The following EXOC6B variants were observed in gnomAD, a reference collection of about 807,000 sequenced individuals.
The protein encoded by EXOC6B is SEC15 homolog B.
Under a neutral mutation model 113.5 loss-of-function variants are expected in EXOC6B, and 54 were observed. The ratio of observed to expected loss-of-function variants is 0.48; its 90% CI spans 0.38 to 0.60. The LOEUF (loss-of-function observed/expected upper bound fraction) is 0.60. Ranked by LOEUF, EXOC6B falls within the 20% of genes least tolerant of loss-of-function variation. EXOC6B has a pLI of 0.00. For synonymous variants in EXOC6B, 357 were observed against 339.0 expected (o/e 1.05, Z -0.58); for missense variants, 797 against 977.5 (o/e 0.82, Z 2.46).
At chr2:72,582,888 A>G (rs1216430757) in intron 6 of EXOC6B, among the ~76,000 whole-genome samples, 1 of 152,218 alleles carries the variant, frequency 6.6e-6, no homozygotes, top group Non-Finnish European at 1.5e-5. Context: ...TAACAAATAA[A>G]GAATTCAAAA....
intron 8 of EXOC6B, among the ~76,000 whole-genome samples, chr2:72,537,275 A>C (rs1322118326): frequency 6.6e-6 from 1 of 152,124 alleles, no homozygotes; most frequent in African/African-American, 2.4e-5. Flanking sequence ...GATTTTTCAC[A>C]GATGCCCTAA....
At chr2:72,818,541 C>A (rs1341620251) in intron 1 of EXOC6B, among the ~76,000 whole-genome samples, 1 of 152,004 alleles carries the variant, frequency 6.6e-6, no homozygotes, top group African/African-American at 2.4e-5. Context: ...GTGATCTGCC[C>A]TCCTTGGCCT....
chr2:72,423,196 C>A (rs995887176), intron 18 of EXOC6B, among the ~76,000 whole-genome samples: 2 of 152,008 alleles, frequency 1.3e-5, no homozygotes, highest in African/African-American at 4.8e-5. Context: ...GTAACACTCA[C>A]CGCGAAAGTC....
intron 20 of EXOC6B, among the ~76,000 whole-genome samples, chr2:72,321,632 T>C (rs187923604): frequency 1.1e-4 from 16 of 152,004 alleles, no homozygotes; most frequent in Non-Finnish European, 7.4e-5. Context: ...ATTAAAAGTA[T>C]GTTTCCGTTT....
At chr2:72,497,163 A>G (rs1700081962) in intron 13 of EXOC6B, among the ~76,000 whole-genome samples, 1 of 151,708 alleles carries the variant, frequency 6.6e-6, no homozygotes, top group African/African-American at 2.4e-5. Flanking sequence ...TTGTAGAGAT[A>G]TAATCTTGCT....
At chr2:72,509,045 T>C (rs1011791396) in intron 11 of EXOC6B, among the ~76,000 whole-genome samples, 2 of 152,108 alleles carry the variant, frequency 1.3e-5, no homozygotes, top group African/African-American at 4.8e-5. Context: ...TATTTGGAGA[T>C]GGGGCCTTTG....
At chr2:72,683,381 A>T (rs1245332229) in intron 6 of EXOC6B, among the ~76,000 whole-genome samples, 3 of 152,194 alleles carry the variant, frequency 2.0e-5, no homozygotes, top group Non-Finnish European at 4.4e-5. Flanking sequence ...TAAAATTTTT[A>T]AAATGATTTG....
intron 18 of EXOC6B, among the ~76,000 whole-genome samples, chr2:72,456,322 T>C (rs1697230197): frequency 6.6e-6 from 1 of 152,176 alleles, no homozygotes; most frequent in Admixed American, 6.6e-5. Context: ...CTCTTTTCTA[T>C]AATTAAATGG....
chr2:72,650,300 T>A (rs1179522440), intron 6 of EXOC6B, among the ~76,000 whole-genome samples: 1 of 152,132 alleles, frequency 6.6e-6, no homozygotes, highest in African/African-American at 2.4e-5. Context: ...GGACTGCTGT[T>A]TTAGAAAATA....
chr2:72,335,556 A>G lies in EXOC6B; in HGVS notation c.2123-536T>C, dbSNP rs1422902940. 1.0e-3 allele frequency among the ~76,000 whole-genome samples: 77 copies of G among 73,692 alleles called. 1 individual carries two copies. Among genetic ancestry groups the G allele is most frequent in the East Asian group, 6.3e-3 (26 of 4,158 alleles). The allele number at this position is 73,692 out of a possible 152,430, so 48.3% of individuals were successfully genotyped here. A position where few individuals can be genotyped will look rare whatever the true frequency, so the allele number is the denominator to read the frequency against. ...CTCATGACTGCATTATTGCACACAC[A>G]CACACACACACACACACACACACAC... is the stretch of plus-strand genomic sequence containing the variant. On this transcript the variant is annotated intron_variant, in intron 19 of 21. Coordinates refer to ENST00000272427, the MANE Select transcript of EXOC6B (RefSeq NM_015189.3).
rs13014663 is a variant in EXOC6B, at chr2:72,772,733, C to T, written c.114-31264G>A. 4.3e-3 allele frequency among the ~76,000 whole-genome samples: 656 copies of T among 152,272 alleles called. 3 individuals carry two copies. The highest frequency in any genetic ancestry group is 0.024 in the Middle Eastern group (7 of 294). Reference sequence around the variant, plus strand: ...TCAGAAGAAAGCCAACCTATGCACTCGACCAATCAGCCTGTTCAGAGATTC... The same window carrying T: ...TCAGAAGAAAGCCAACCTATGCACTTGACCAATCAGCCTGTTCAGAGATTC... On this transcript the variant is annotated intron_variant, in intron 1 of 21. Transcript: ENST00000272427.
chr2:72,753,869 T>G (rs1165822557), intron 1 of EXOC6B, among the ~76,000 whole-genome samples: 5 of 152,186 alleles, frequency 3.3e-5, no homozygotes, highest in African/African-American at 1.2e-4. Flanking sequence ...CTCAACTCTT[T>G]CCTAAAACGT....
chr2:72,353,957 T>C (rs1430244155), intron 19 of EXOC6B, among the ~76,000 whole-genome samples: 1 of 152,186 alleles, frequency 6.6e-6, no homozygotes, highest in Non-Finnish European at 1.5e-5. Context: ...ACAGTTAAGA[T>C]TGAAAATGCA....
At chr2:72,397,721 C>T (rs1692838375) in intron 18 of EXOC6B, among the ~76,000 whole-genome samples, 1 of 151,224 alleles carries the variant, frequency 6.6e-6, no homozygotes, top group Non-Finnish European at 1.5e-5. Context: ...ACTACTGACA[C>T]CTAATAAGTA....
intron 6 of EXOC6B, among the ~76,000 whole-genome samples, chr2:72,614,580 A>G (rs1451635379): frequency 6.6e-6 from 1 of 152,282 alleles, no homozygotes; most frequent in Non-Finnish European, 1.5e-5. Flanking sequence ...GGAACTTCCA[A>G]ATAATAACAA....
intron 20 of EXOC6B, among the ~76,000 whole-genome samples, chr2:72,257,457 T>C (rs922910454): frequency 6.6e-6 from 1 of 152,244 alleles, no homozygotes; most frequent in Admixed American, 6.5e-5. Context: ...TTAAAATTAA[T>C]TGATCCTGAG....
chr2:72,233,474 G>A (rs1382225896), intron 20 of EXOC6B, among the ~76,000 whole-genome samples: 2 of 152,112 alleles, frequency 1.3e-5, no homozygotes, highest in African/African-American at 4.8e-5. Context: ...CAGCCACCTG[G>A]AGGATTCACA....
In EXOC6B at chr2:72,666,356, C is replaced by T. The variant is rs1468139963; in HGVS notation, c.669+51747G>A. Among the ~76,000 whole-genome samples, 14 of 152,126 alleles carry T rather than the reference C, an allele frequency of 9.2e-5. 1 individual carries two copies. Among genetic ancestry groups the T allele is most frequent in the Admixed American group, 9.2e-4 (14 of 15,276 alleles). On this transcript the variant is annotated intron_variant, in intron 6 of 21. Coordinates refer to ENST00000272427, the MANE Select transcript of EXOC6B (RefSeq NM_015189.3). The stretch of plus-strand genomic sequence containing the variant: ...ACACAATATACTTTCTTCTCATACG[C>T]ACATGGAATGTATTCTAAGATCAAC...
At chr2:72,495,580 C>T (rs569142833) in intron 14 of EXOC6B, 41 bp from the exon 15 acceptor site, 101 of 1,049,634 alleles carry the variant, frequency 9.6e-5, no homozygotes, top group African/African-American at 1.9e-4. Context: ...CACAAACCAA[C>T]GAAGATTGAA....
Sources: allele counts gnomAD v4.1 joint callset (sites outside exome capture counted in the v4.1 genomes callset), GRCh38; gene constraint gnomAD v4.1.1; transcripts MANE v1.5; gene names NCBI Gene and HGNC (gene_info 2026-07-23, HGNC 2026-07-21).